Variants in SOCS5 observed in about 807,000 individuals in gnomAD.
SOCS5 encodes CIS-6.
Under a neutral mutation model 42.8 loss-of-function variants are expected in SOCS5, and 32 were observed. The ratio of observed to expected loss-of-function variants is 0.75; its 90% CI spans 0.56 to 1.01. The LOEUF is 1.01. Among genes scored for constraint, SOCS5 ranks in the 50% least tolerant of loss-of-function variants. The pLI is 0.00. For synonymous variants in SOCS5, 283 were observed against 229.6 expected (o/e 1.23, Z -2.10); for missense variants, 627 against 653.0 (o/e 0.96, Z 0.43).
intron 1 of SOCS5, among the ~76,000 whole-genome samples, chr2:46,746,748 A>G (rs1485818557): frequency 1.3e-5 from 2 of 151,606 alleles, no homozygotes; most frequent in African/African-American, 4.8e-5. Flanking sequence ...TTAGTACGGT[A>G]TATAGTTATG....
At chr2:46,709,216 G>T (rs1672561140) in intron 1 of SOCS5, among the ~76,000 whole-genome samples, 1 of 152,088 alleles carries the variant, frequency 6.6e-6, no homozygotes, top group Non-Finnish European at 1.5e-5. Flanking sequence ...CTAGCACTTT[G>T]CCTCTTTGCC....
rs376214996 is a variant in SOCS5, at chr2:46,722,341, T to C, written c.-13+22892T>C. ...ATTTGCCAGTCAAGGGGGAAAAAAA[T>C]CTGTCAACCACGTCTCCAGAGTCTG... On this transcript the variant is annotated intron_variant, in intron 1 of 1. Coordinates refer to ENST00000394861, the MANE Select transcript of SOCS5 (RefSeq NM_144949.3). Among the ~76,000 whole-genome samples the C allele has an allele frequency of 3.3e-5, 5 of 151,152 alleles. 1 individual carries two copies. Among genetic ancestry groups the C allele is most frequent in the East Asian group, 3.9e-4 (2 of 5,178 alleles).
At chr2:46,706,317 T>A (rs1338922844) in intron 1 of SOCS5, among the ~76,000 whole-genome samples, 1 of 152,220 alleles carries the variant, frequency 6.6e-6, no homozygotes, top group Non-Finnish European at 1.5e-5. Flanking sequence ...TGTGCTAGTC[T>A]TTTGATTGTT....
At chr2:46,700,611 G>A (rs972283242) in intron 1 of SOCS5, among the ~76,000 whole-genome samples, 1 of 152,206 alleles carries the variant, frequency 6.6e-6, no homozygotes, top group Non-Finnish European at 1.5e-5. Context: ...CTGGGAAGGA[G>A]GTGGTAAGCT....
chr2:46,723,426 T>C (rs1672924202), intron 1 of SOCS5, among the ~76,000 whole-genome samples: 1 of 152,088 alleles, frequency 6.6e-6, no homozygotes, highest in Non-Finnish European at 1.5e-5. Flanking sequence ...CTACAAAACA[T>C]TAGATCTGTG....
chr2:46,708,862 GAT>G (rs1672552263), intron 1 of SOCS5, among the ~76,000 whole-genome samples: 1 of 143,960 alleles, frequency 6.9e-6, no homozygotes, highest in Admixed American at 6.9e-5. Flanking sequence ...TCTCTGAACA[GAT>G]ACTGAATCCT....
At chr2:46,754,314 T>C (rs1673686692) in intron 1 of SOCS5, among the ~76,000 whole-genome samples, 1 of 152,238 alleles carries the variant, frequency 6.6e-6, no homozygotes, top group Non-Finnish European at 1.5e-5. Context: ...AAAATCCTTA[T>C]AGATCTTTAC....
chr2:46,736,512 C>T (rs1340346830), intron 1 of SOCS5, among the ~76,000 whole-genome samples: 1 of 152,154 alleles, frequency 6.6e-6, no homozygotes, highest in Non-Finnish European at 1.5e-5. Flanking sequence ...TGGAAACTAC[C>T]ATTCTACTGT....
At chr2:46,723,581 A>G (rs565793202) in intron 1 of SOCS5, among the ~76,000 whole-genome samples, 3 of 152,160 alleles carry the variant, frequency 2.0e-5, no homozygotes, top group South Asian at 4.1e-4. Context: ...GTTGTCAGAA[A>G]TCAATTGGTC....
chr2:46,702,442 T>A (rs187427050), intron 1 of SOCS5, among the ~76,000 whole-genome samples: 1 of 152,312 alleles, frequency 6.6e-6, no homozygotes, highest in East Asian at 1.9e-4. Flanking sequence ...CATTGGGAGA[T>A]CCTTGTTGCA....
chr2:46,751,219 A>G (rs373722278), intron 1 of SOCS5, among the ~76,000 whole-genome samples: 142 of 152,180 alleles, frequency 9.3e-4, no homozygotes, highest in African/African-American at 2.7e-3. Flanking sequence ...AATAATGTAA[A>G]TTGTCATCAC....
intron 1 of SOCS5, among the ~76,000 whole-genome samples, chr2:46,748,799 G>T (rs1407848931): frequency 1.3e-5 from 2 of 152,104 alleles, no homozygotes; most frequent in African/African-American, 2.4e-5. Flanking sequence ...AAACTGCTGG[G>T]GTTATAAAGT....
At chr2:46,702,429 T>C (rs546549631) in intron 1 of SOCS5, among the ~76,000 whole-genome samples, 2 of 152,340 alleles carry the variant, frequency 1.3e-5, no homozygotes, top group South Asian at 4.1e-4. Context: ...TGTTTCTGAA[T>C]GTCATTGGGA....
rs1318406543 is a variant in SOCS5, at chr2:46,760,392, T to A, written c.*251T>A. On this transcript the variant is annotated 3_prime_UTR_variant, in exon 2 of 2. Transcript: ENST00000394861. ...TTGCCTATTTCGCTAACAGTTTGGT[T>A]TTTAATGGCTGTGGTATTTGAGTGA... 1 of 401,792 alleles carries A rather than the reference T, an allele frequency of 2.5e-6. No individual in the cohort carries two copies. Among genetic ancestry groups the A allele is most frequent in the Non-Finnish European group, 4.6e-6 (1 of 217,026 alleles). The allele number at this position is 401,792 out of a possible 1,614,324, so 24.9% of individuals were successfully genotyped here.
intron 1 of SOCS5, among the ~76,000 whole-genome samples, chr2:46,705,341 GT>G (rs1293596916): frequency 1.3e-5 from 2 of 152,204 alleles, no homozygotes; most frequent in Non-Finnish European, 2.9e-5. Flanking sequence ...ATCTCACGCT[GT>G]CTCTAGGTGT....
intron 1 of SOCS5, among the ~76,000 whole-genome samples, chr2:46,735,600 A>G (rs1867819): frequency 1.5e-4 from 23 of 151,426 alleles, no homozygotes; most frequent in Non-Finnish European, 3.1e-4. Flanking sequence ...TCTGGACTTA[A>G]CAGAGACTGT....
At position 46,706,275 on chromosome 2, in the gene SOCS5, A is replaced by G. The variant is rs549918634; in HGVS notation, c.-13+6826A>G. ...ACGGGAAGGTTAAGTGACTTTCCCA[A>G]GTCAGCCCATGTGTGGTAGAGTTGG... is the stretch of plus-strand genomic sequence containing the variant. On this transcript the variant is annotated intron_variant, in intron 1 of 1. Transcript: ENST00000394861. 3.2e-4 allele frequency among the ~76,000 whole-genome samples: 48 copies of G among 152,328 alleles called. No homozygotes were observed. The South Asian group carries it at 8.9e-3, about 28-fold the overall frequency.
intron 1 of SOCS5, among the ~76,000 whole-genome samples, chr2:46,724,987 A>G (rs1296553271): frequency 6.6e-6 from 1 of 151,310 alleles, no homozygotes; most frequent in Non-Finnish European, 1.5e-5. Flanking sequence ...GTCATTGTAG[A>G]TTTGTCTGTT....
At position 46,709,694 on chromosome 2, in the gene SOCS5, G is replaced by C. The variant is rs1473037291; in HGVS notation, c.-13+10245G>C. 2.0e-5 allele frequency among the ~76,000 whole-genome samples: 3 copies of C among 152,186 alleles called. No homozygotes were observed. In the East Asian group the frequency reaches 5.8e-4, roughly 29 times the overall value. ...GATTAATGAGAAATTTGGGTAGTTA[G>C]ATGATTCAAGACTAAAATTTGGAAT... On this transcript the variant is annotated intron_variant, in intron 1 of 1. Transcript: ENST00000394861.
Sources: allele counts gnomAD v4.1 joint callset (sites outside exome capture counted in the v4.1 genomes callset), GRCh38; gene constraint gnomAD v4.1.1; transcripts MANE v1.5; gene names NCBI Gene and HGNC (gene_info 2026-07-23, HGNC 2026-07-21).